The following PLCZ1 variants were observed in gnomAD, a reference collection of about 807,000 sequenced individuals.
PLCZ1 encodes the protein 1-phosphatidylinositol 4,5-bisphosphate phosphodiesterase zeta-1.
A neutral mutation model predicts 76.8 loss-of-function variants in PLCZ1; 64 were observed. The ratio of observed to expected loss-of-function variants is 0.83; its 90% confidence interval spans 0.68 to 1.03. PLCZ1 has a LOEUF of 1.03. PLCZ1 is among the 50% of genes least tolerant of loss of function. PLCZ1 has a pLI of 0.00. For missense variants in PLCZ1, 751 were observed against 713.7 expected, an observed-to-expected ratio of 1.05 and a Z score of -0.60; for synonymous variants, 248 against 230.8, an observed-to-expected ratio of 1.07 and a Z score of -0.68.
intron 5 of PLCZ1, among the ~76,000 whole-genome samples, chr12:18,714,412 G>A (rs1004273652): frequency 5.9e-5 from 9 of 152,082 alleles, no homozygotes; most frequent in African/African-American, 2.2e-4. Flanking sequence ...TAAACTGACT[G>A]TTAGTAAATA....
chr12:18,712,344 A>G (rs1957442754), intron 6 of PLCZ1, among the ~76,000 whole-genome samples: 1 of 152,182 alleles, frequency 6.6e-6, no homozygotes, highest in African/African-American at 2.4e-5. Flanking sequence ...GAATAACTAT[A>G]TCGTTGAATC....
At chr12:18,673,326 T>C in the PLCZ1 span, among the ~76,000 whole-genome samples, 1 of 152,114 alleles carries the variant, frequency 6.6e-6, no homozygotes, top group African/African-American at 2.4e-5. Context: ...GTTATTGAAA[T>C]GAAAATGTGA....
the PLCZ1 span, among the ~76,000 whole-genome samples, chr12:18,663,187 T>C: frequency 6.6e-6 from 1 of 152,052 alleles, no homozygotes; most frequent in East Asian, 1.9e-4. Context: ...AACAGGTTCA[T>C]CACTTTTATT....
chr12:18,686,474 G>C (rs1192466723), intron 13 of PLCZ1, among the ~76,000 whole-genome samples: 1 of 151,826 alleles, frequency 6.6e-6, no homozygotes, highest in Non-Finnish European at 1.5e-5. Flanking sequence ...CTTTTCTCTA[G>C]CATGTTTAAA....
intron 6 of PLCZ1, among the ~76,000 whole-genome samples, chr12:18,711,840 A>C (rs1957385491): frequency 6.6e-6 from 1 of 152,024 alleles, no homozygotes; most frequent in Admixed American, 6.6e-5. Flanking sequence ...GAAATAAATA[A>C]ATTTAGAAAT....
the PLCZ1 span, among the ~76,000 whole-genome samples, chr12:18,652,134 C>T: frequency 3.3e-5 from 5 of 151,836 alleles, no homozygotes; most frequent in Non-Finnish European, 7.4e-5. Context: ...AAGTCCTAAC[C>T]CCAGGTACCT....
rs1209597375 is a variant in PLCZ1, at chr12:18,699,003, A to G, written c.1174+791T>C. On this transcript the variant is annotated intron_variant, in intron 10 of 14. Coordinates refer to ENST00000266505, the MANE Select transcript of PLCZ1 (RefSeq NM_033123.4). ...TAAGTTAGTTGCTCATTCCCTTTTAAGTTTGGGACATTCCCCACATAATGA... is the reference window on the plus strand; with the variant it reads ...TAAGTTAGTTGCTCATTCCCTTTTAGGTTTGGGACATTCCCCACATAATGA... Among the ~76,000 whole-genome samples, 4 of 152,158 alleles carry G rather than the reference A, an allele frequency of 2.6e-5. No individual in the cohort carries two copies. The East Asian group carries it at 7.7e-4, about 29-fold the overall frequency.
At chr12:18,719,788 A>G (rs1259080315) in intron 4 of PLCZ1, among the ~76,000 whole-genome samples, 156 bp from the exon 5 acceptor site, 1 of 152,170 alleles carries the variant, frequency 6.6e-6, no homozygotes, top group Non-Finnish European at 1.5e-5. Context: ...TTGTTTGGAA[A>G]CAAATTTTTG....
chr12:18,690,364 C>T (rs756556323), intron 12 of PLCZ1, among the ~76,000 whole-genome samples: 5 of 152,044 alleles, frequency 3.3e-5, no homozygotes, highest in Non-Finnish European at 7.4e-5. Context: ...GCTGGGATTA[C>T]AGTTGGATGC....
Position 18,710,861 on chromosome 12 carries a change from G to A in PLCZ1, c.714+1981C>T, listed in dbSNP as rs189337142. ...GCAATCTCACACCAGTTAGAATGGC[G>A]ATCATTAAAAAGTCAGGAAACAACA... On this transcript the variant is annotated intron_variant, in intron 6 of 14. Transcript: ENST00000266505. Among the ~76,000 whole-genome samples the A allele has an allele frequency of 2.4e-3, 358 of 152,190 alleles. 3 individuals carry two copies. The highest frequency in any genetic ancestry group is 7.8e-3 in the African/African-American group (324 of 41,540).
intron 12 of PLCZ1, chr12:18,693,989 A>C: frequency 6.7e-7 from 1 of 1,495,970 alleles, no homozygotes; most frequent in Non-Finnish European, 9.3e-7. Context: ...AGCTGGTCTG[A>C]TGGCCTTAAG....
At chr12:18,693,711 T>G in intron 12 of PLCZ1, 1 of 1,560,190 alleles carries the variant, frequency 6.4e-7, no homozygotes, top group Non-Finnish European at 8.8e-7. Context: ...ACGTTGGAAC[T>G]GCTGAACCAG....
At chr12:18,679,919 A>T (rs1324016819), downstream of PLCZ1, among the ~76,000 whole-genome samples, 5 of 152,014 alleles carry the variant, frequency 3.3e-5, no homozygotes, top group Admixed American at 3.3e-4. Flanking sequence ...ATCAGTTCAA[A>T]TCCACTTCAA....
chr12:18,697,573 C>T lies in PLCZ1; in HGVS notation c.1175-1307G>A, dbSNP rs191308561. ...ATAAACATGTTTGTTATTACAAATA[C>T]AGTTCATGTTTACTGTAAAATAGGA... On this transcript the variant is annotated intron_variant, in intron 10 of 14. Transcript: ENST00000266505. Among the ~76,000 whole-genome samples the T allele has an allele frequency of 9.0e-4, 137 of 152,202 alleles. 3 individuals carry two copies. The East Asian group carries it at 0.018, about 20-fold the overall frequency.
At chr12:18,724,576 C>T (rs937704923) in intron 3 of PLCZ1, among the ~76,000 whole-genome samples, 5 of 151,942 alleles carry the variant, frequency 3.3e-5, no homozygotes, top group East Asian at 1.9e-4. Flanking sequence ...AAATCAGATG[C>T]GGGGTCTCCA....
the PLCZ1 span, among the ~76,000 whole-genome samples, chr12:18,652,808 A>G: frequency 6.7e-6 from 1 of 148,482 alleles, no homozygotes; most frequent in Non-Finnish European, 1.5e-5. Context: ...AAGAATTATT[A>G]TGTCTCCAGA....
the PLCZ1 span, among the ~76,000 whole-genome samples, chr12:18,677,464 A>T: frequency 6.6e-6 from 1 of 152,062 alleles, no homozygotes; most frequent in Non-Finnish European, 1.5e-5. Flanking sequence ...TAGAAGGCAG[A>T]CTGCTTGGCC....
intron 7 of PLCZ1, among the ~76,000 whole-genome samples, chr12:18,703,484 C>T (rs901870410): frequency 1.7e-4 from 26 of 152,174 alleles, no homozygotes; most frequent in Non-Finnish European, 3.2e-4. Context: ...ATGACCATTG[C>T]TTTCTGACCT....
At chr12:18,704,945 A>C (rs1050795168) in intron 7 of PLCZ1, among the ~76,000 whole-genome samples, 4 of 152,110 alleles carry the variant, frequency 2.6e-5, no homozygotes, top group Non-Finnish European at 4.4e-5. Context: ...ACACAATCAA[A>C]ATGTGGGTTG....
Sources: gnomAD v4.1 joint callset for allele counts (sites outside exome capture counted in the v4.1 genomes callset) on GRCh38, gnomAD v4.1.1 for gene constraint, MANE v1.5 for transcripts, NCBI Gene and HGNC (gene_info 2026-07-23, HGNC 2026-07-21) for gene names.